KDM4C: variants seen among roughly 807,000 people sequenced by gnomAD.
The protein encoded by KDM4C is lysine-specific demethylase 4C.
A neutral mutation model predicts 129.3 loss-of-function variants in KDM4C; 81 were observed. The observed-to-expected ratio is 0.63, with a 90% CI of 0.52 to 0.75. KDM4C has a LOEUF of 0.75. Ranked by LOEUF, KDM4C falls within the 30% of genes least tolerant of loss-of-function variation. KDM4C has a pLI of 0.00. For synonymous variants in KDM4C, 573 were observed against 456.1 expected, an observed-to-expected ratio of 1.26 and a Z score of -3.26; for missense variants, 1,457 against 1,304.0, an observed-to-expected ratio of 1.12 and a Z score of -1.81.
chr9:6,843,653 G>A (rs1837368409), intron 4 of KDM4C, among the ~76,000 whole-genome samples: 2 of 152,182 alleles, frequency 1.3e-5, no homozygotes, highest in Non-Finnish European at 2.9e-5. Flanking sequence ...TTGGTGAGTG[G>A]TGGAGCCAGC....
intron 18 of KDM4C, 122 bp from the exon 19 acceptor site, chr9:7,127,944 A>AT (rs911875307): frequency 7.6e-4 from 634 of 833,664 alleles, no homozygotes; most frequent in Non-Finnish European, 8.9e-4. Context: ...TAAGTTAAAA[A>AT]TTTTTTTTTT....
chr9:6,994,027 C>T (rs146123269), intron 12 of KDM4C, among the ~76,000 whole-genome samples: 4 of 152,144 alleles, frequency 2.6e-5, no homozygotes, highest in African/African-American at 4.8e-5. Context: ...ATGGATGGGG[C>T]AGGGGTATAG....
intron 2 of KDM4C, among the ~76,000 whole-genome samples, chr9:6,794,759 T>A (rs1363784865): frequency 6.6e-6 from 1 of 152,076 alleles, no homozygotes; most frequent in African/African-American, 2.4e-5. Flanking sequence ...AAAATGGTAG[T>A]GACTTAAGCC....
rs202139050 is a variant in KDM4C, at chr9:7,155,613, G to A, written c.2782-9625G>A. Reference sequence around the variant, plus strand: ...ATGAGTGAGAACATGCAGTGTTTGGGTTTCTGTCCTTGCGATAGTTTGCTG... The same window carrying A: ...ATGAGTGAGAACATGCAGTGTTTGGATTTCTGTCCTTGCGATAGTTTGCTG... On this transcript the variant is annotated intron_variant, in intron 19 of 21. Transcript: ENST00000381309. Among the ~76,000 whole-genome samples the A allele has an allele frequency of 5.9e-5, 9 of 152,152 alleles. No individual in the cohort carries two copies. The South Asian group carries it at 1.9e-3, about 32-fold the overall frequency.
In KDM4C at chr9:6,853,482, G is replaced by C. The variant is rs1400268487; in HGVS notation, c.629+3782G>C. Among the ~76,000 whole-genome samples, 36 of 152,156 alleles carry C rather than the reference G, an allele frequency of 2.4e-4. 2 individuals carry two copies. On this transcript the variant is annotated intron_variant, in intron 5 of 21. Transcript: ENST00000381309. Reference sequence around the variant, plus strand: ...CATTCCAGCCTGGACAACGGAGGGAGACACTGTCTCAAAGAATAAAAAAAT... The same window carrying C: ...CATTCCAGCCTGGACAACGGAGGGACACACTGTCTCAAAGAATAAAAAAAT...
chr9:6,779,612 A>G (rs1052490522), intron 1 of KDM4C, among the ~76,000 whole-genome samples: 35 of 152,212 alleles, frequency 2.3e-4, no homozygotes, highest in African/African-American at 7.7e-4. Flanking sequence ...CTCCTGCTGC[A>G]GCAGTGTTCT....
At chr9:7,013,056 G>A (rs1822983603) in intron 13 of KDM4C, among the ~76,000 whole-genome samples, 1 of 151,456 alleles carries the variant, frequency 6.6e-6, no homozygotes, top group Admixed American at 6.6e-5. Context: ...TAAATTTCTG[G>A]GTTTTAACTA....
At chr9:6,775,625 C>G (rs1363754970) in intron 1 of KDM4C, among the ~76,000 whole-genome samples, 1 of 151,858 alleles carries the variant, frequency 6.6e-6, no homozygotes, top group Non-Finnish European at 1.5e-5. Flanking sequence ...CAGGTTCAAG[C>G]AATTCTTCTG....
chr9:6,733,712 A>G (rs926164935), intron 1 of KDM4C, among the ~76,000 whole-genome samples: 5 of 152,204 alleles, frequency 3.3e-5, no homozygotes, highest in African/African-American at 1.2e-4. Flanking sequence ...GTTTGTTAAG[A>G]AAGTAAAGGA....
chr9:6,808,891 A>G (rs1289741205), intron 3 of KDM4C, among the ~76,000 whole-genome samples: 3 of 152,040 alleles, frequency 2.0e-5, no homozygotes, highest in Non-Finnish European at 4.4e-5. Context: ...CTTTTAAAAA[A>G]TTCTGATATG....
intron 1 of KDM4C, among the ~76,000 whole-genome samples, chr9:6,759,681 C>T (rs1347827599): frequency 6.6e-6 from 1 of 151,980 alleles, no homozygotes; most frequent in African/African-American, 2.4e-5. Flanking sequence ...GACCCGGCGC[C>T]GTGGCTCCTG....
chr9:7,040,404 T>TGTGTGC (rs1458735340), intron 15 of KDM4C, among the ~76,000 whole-genome samples: 3 of 145,824 alleles, frequency 2.1e-5, no homozygotes, highest in Admixed American at 6.8e-5. Context: ...TGTGTGTGTG[T>TGTGTGC]GCGTGTGTAT....
chr9:7,062,567 C>T (rs1258394794), intron 17 of KDM4C, among the ~76,000 whole-genome samples: 1 of 150,782 alleles, frequency 6.6e-6, no homozygotes, highest in African/African-American at 2.4e-5. Flanking sequence ...TTTTTTTTGT[C>T]AGGGTGGGGT....
chr9:7,112,541 C>A (rs1379354231), intron 18 of KDM4C, among the ~76,000 whole-genome samples: 1 of 152,032 alleles, frequency 6.6e-6, no homozygotes, highest in Non-Finnish European at 1.5e-5. Flanking sequence ...GAGAGAAGAC[C>A]CCAAGGGACA....
chr9:6,829,509 A>G (rs1834441726), intron 4 of KDM4C, among the ~76,000 whole-genome samples: 1 of 152,240 alleles, frequency 6.6e-6, no homozygotes, highest in African/African-American at 2.4e-5. Context: ...TCAGCTGGAA[A>G]AAACTTTGGA....
At chr9:6,874,608 A>C (rs1270039893) in intron 5 of KDM4C, among the ~76,000 whole-genome samples, 2 of 152,302 alleles carry the variant, frequency 1.3e-5, no homozygotes, top group Middle Eastern at 3.4e-3. Flanking sequence ...CATGGAGCTA[A>C]ATTTTTAGGG....
intron 15 of KDM4C, among the ~76,000 whole-genome samples, chr9:7,016,671 C>T (rs1031315397): frequency 1.3e-5 from 2 of 151,328 alleles, no homozygotes; most frequent in Admixed American, 1.3e-4. Flanking sequence ...TTTGATCCAC[C>T]TGCCTCGGCC....
rs1563939682 is a variant in KDM4C at position 6,758,993 on chromosome 9, TC to T, written c.-18+795del. 6.6e-6 allele frequency among the ~76,000 whole-genome samples: 1 copy of T among 151,668 alleles called. No individual in the cohort carries two copies. Among genetic ancestry groups the T allele is most frequent in the African/African-American group, 2.4e-5 (1 of 41,146 alleles). On this transcript the variant is annotated intron_variant, in intron 1 of 21. Transcript: ENST00000381309. The surrounding 1 kb of genome is among the most constrained non-coding windows in gnomAD (Gnocchi z 4.6). ...TTTCCGCGTGGACTTGATGCTGGGC[TC>T]CCCCTTTGCTGCGCGGTGCAAGCCT...
intron 8 of KDM4C, among the ~76,000 whole-genome samples, chr9:6,897,972 G>A (rs1402390858): frequency 1.3e-5 from 2 of 152,170 alleles, no homozygotes; most frequent in African/African-American, 4.8e-5. Context: ...AATGAAGTCC[G>A]TGATTACTCT....
Sources: gnomAD v4.1 joint callset for allele counts (sites outside exome capture counted in the v4.1 genomes callset) on GRCh38, gnomAD v4.1.1 for gene constraint, Gnocchi (gnomAD v3.1) non-coding constraint, MANE v1.5 for transcripts, NCBI Gene and HGNC (gene_info 2026-07-23, HGNC 2026-07-21) for gene names.